The following GLYATL3 variants were observed in gnomAD, a reference collection of about 807,000 sequenced individuals.
GLYATL3 encodes the protein glycine N-acyltransferase-like protein 3.
GLYATL3 carries 31 observed loss-of-function variants against 28.5 expected under a neutral mutation model. The ratio of observed to expected loss-of-function variants is 1.09; its 90% confidence interval spans 0.82 to 1.47. The LOEUF is 1.47. Ranked by LOEUF, GLYATL3 falls within the 40% of genes most tolerant of loss-of-function variation. The pLI is 0.00. For missense variants in GLYATL3, 369 were observed against 351.5 expected, an observed-to-expected ratio of 1.05 and a Z score of -0.40; for synonymous variants, 141 against 140.2, an observed-to-expected ratio of 1.01 and a Z score of -0.04.
chr6:49,512,354 T>A (rs1486331988), intron 2 of GLYATL3, among the ~76,000 whole-genome samples: 2 of 150,524 alleles, frequency 1.3e-5, no homozygotes, highest in African/African-American at 4.9e-5. Context: ...TACATAAGTA[T>A]ACATGTGCCA....
chr6:49,507,797 A>AG (rs920839589), intron 1 of GLYATL3, among the ~76,000 whole-genome samples: 1 of 152,140 alleles, frequency 6.6e-6, no homozygotes. Flanking sequence ...AGCTGAGTCC[A>AG]GGGGGGTCAC....
chr6:49,507,280 C>T (rs1408894818), intron 1 of GLYATL3, among the ~76,000 whole-genome samples: 1 of 152,052 alleles, frequency 6.6e-6, no homozygotes, highest in Non-Finnish European at 1.5e-5. Flanking sequence ...AATAAGAGCC[C>T]AGTCAGTCCA....
At chr6:49,509,944 C>A (rs1769082489) in intron 1 of GLYATL3, among the ~76,000 whole-genome samples, 1 of 55,002 alleles carries the variant, frequency 1.8e-5, no homozygotes, top group Admixed American at 1.6e-4. Context: ...TACGTATTTT[C>A]TTTCTCTTTC....
intron 1 of GLYATL3, among the ~76,000 whole-genome samples, chr6:49,511,114 C>A (rs1022447983): frequency 6.6e-6 from 1 of 152,202 alleles, no homozygotes; most frequent in Non-Finnish European, 1.5e-5. Flanking sequence ...TAGTGCCTGT[C>A]TGCCAGATGT....
At chr6:49,515,863 A>G in intron 3 of GLYATL3, 103 bp downstream of exon 3, 1 of 573,292 alleles carries the variant, frequency 1.7e-6, no homozygotes, top group Non-Finnish European at 3.0e-6. Context: ...TTAGCTTACA[A>G]CACTGTTTCA....
At chr6:49,511,332 G>A (rs972712682) in intron 1 of GLYATL3, among the ~76,000 whole-genome samples, 3 of 151,986 alleles carry the variant, frequency 2.0e-5, no homozygotes, top group African/African-American at 7.3e-5. Flanking sequence ...ATTTTATCAG[G>A]CTAAAATGAG....
Position 49,517,527 on chromosome 6 carries a change from T to G in GLYATL3, c.284T>G (p.Phe95Cys). Residue 95 changes from phenylalanine to cysteine, a missense_variant, in exon 4 of 6, where the codon TTT becomes TGT. Physicochemically the swap from Phe to Cys is radical, Grantham distance 205. Transcript: ENST00000371197. ...YRQLLEECDV[F>C]NWDQVFQIQG... Reference sequence around the variant, plus strand: ...CAGCTATTGGAAGAATGTGATGTTTTTAACTGGGACCAAGTTTTTCAAATA... The same window carrying G: ...CAGCTATTGGAAGAATGTGATGTTTGTAACTGGGACCAAGTTTTTCAAATA... The G allele has an allele frequency of 1.3e-6, 2 of 1,551,318 alleles. No homozygotes were observed. Among genetic ancestry groups the G allele is most frequent in the Non-Finnish European group, 1.7e-6 (2 of 1,146,626 alleles).
In GLYATL3 at chr6:49,515,664, G is replaced by A. The variant is rs556740432; in HGVS notation, c.90G>A (p.Ala30=). 52 of 1,546,270 alleles carry A rather than the reference G, an allele frequency of 3.4e-5. No homozygotes were observed. The highest frequency in any genetic ancestry group is 1.7e-4 in the Middle Eastern group (1 of 5,974). ...CFPESLKVYG[A]VMNINRGNPF... ...GTTATCTGACTCAGGTTTACGGAGCGGTGATGAACATAAATCGTGGGAACC... is the reference window on the plus strand; with the variant it reads ...GTTATCTGACTCAGGTTTACGGAGCAGTGATGAACATAAATCGTGGGAACC... Residue 30 remains alanine (A), a synonymous_variant, in exon 3 of 6, where the codon GCG becomes GCA. Transcript: ENST00000371197.
Position 49,526,963 on chromosome 6 carries a change from C to T in GLYATL3, c.*49C>T, listed in dbSNP as rs2127242253. 1.5e-6 allele frequency: 2 copies of T among 1,335,904 alleles called. No individual in the cohort carries two copies. Among genetic ancestry groups the T allele is most frequent in the African/African-American group, 1.5e-5 (1 of 67,874 alleles). 82.8% of individuals were successfully genotyped at this position (1,335,904 alleles called of 1,614,324 possible). ...TTATTACTTTCCCTGAGCATACACA[C>T]ACTCTTGGCTGCCAACGAGGGGAGA... is the stretch of plus-strand genomic sequence containing the variant. On this transcript the variant is annotated 3_prime_UTR_variant, in exon 6 of 6. Coordinates refer to ENST00000371197, the MANE Select transcript of GLYATL3 (RefSeq NM_001010904.2).
chr6:49,525,188 T>C (rs866432410), intron 5 of GLYATL3, among the ~76,000 whole-genome samples: 3 of 150,302 alleles, frequency 2.0e-5, no homozygotes, highest in African/African-American at 4.9e-5. Flanking sequence ...CAGGACTAAA[T>C]AAAAGCAATT....
At chr6:49,505,436 G>C (rs910088743) in intron 1 of GLYATL3, among the ~76,000 whole-genome samples, 1 of 152,184 alleles carries the variant, frequency 6.6e-6, no homozygotes, top group African/African-American at 2.4e-5. Flanking sequence ...GAAGTGTATG[G>C]AGTAGAAATG....
chr6:49,521,560 T>G (rs893586141), intron 4 of GLYATL3, 85 bp from the exon 5 acceptor site: 1 of 1,144,126 alleles, frequency 8.7e-7, no homozygotes, highest in Admixed American at 2.3e-5. Context: ...TTGATGATTC[T>G]CAGTATAAAA....
intron 1 of GLYATL3, among the ~76,000 whole-genome samples, chr6:49,503,804 G>A (rs1197931370): frequency 2.0e-5 from 3 of 152,190 alleles, no homozygotes; most frequent in Non-Finnish European, 4.4e-5. Context: ...GTGTCCTAAA[G>A]AGTGACCAGA....
intron 1 of GLYATL3, among the ~76,000 whole-genome samples, chr6:49,500,886 G>A (rs993993360): frequency 6.6e-6 from 1 of 152,118 alleles, no homozygotes; most frequent in Non-Finnish European, 1.5e-5. Context: ...GCTCTACCTT[G>A]TGGCATTAAA....
intron 5 of GLYATL3, among the ~76,000 whole-genome samples, 186 bp from the exon 6 acceptor site, chr6:49,526,302 A>G (rs1019582587): frequency 2.0e-5 from 3 of 152,092 alleles, no homozygotes; most frequent in Non-Finnish European, 4.4e-5. Flanking sequence ...AATCCCAGCT[A>G]CTTGGGAGGC....
rs1170693359 is a variant in GLYATL3 at position 49,527,656 on chromosome 6, A to C, written c.*742A>C. Among the ~76,000 whole-genome samples the C allele has an allele frequency of 6.6e-6, 1 of 152,178 alleles. No homozygotes were observed. The highest frequency in any genetic ancestry group is 2.4e-5 in the African/African-American group (1 of 41,448). ...ATGACAATATGGGCATTTTGATGCT[A>C]TAAACAAATGCTGTCACCATAGAAC... On this transcript the variant is annotated 3_prime_UTR_variant, in exon 6 of 6. Transcript: ENST00000371197.
At chr6:49,507,154 G>T (rs1769025182) in intron 1 of GLYATL3, among the ~76,000 whole-genome samples, 1 of 152,170 alleles carries the variant, frequency 6.6e-6, no homozygotes, top group Non-Finnish European at 1.5e-5. Flanking sequence ...CTCATCATCA[G>T]AAGGAGGACT....
In GLYATL3 at chr6:49,509,486, C is replaced by A. The variant is rs547044504; in HGVS notation, c.-28-2477C>A. On this transcript the variant is annotated intron_variant, in intron 1 of 5. Coordinates refer to ENST00000371197, the MANE Select transcript of GLYATL3 (RefSeq NM_001010904.2). ...TTGCACTTAGAAACACCAGTACAAC[C>A]AATAAGTGCTATGCTTTTGGTCCAT... Among the ~76,000 whole-genome samples, 5 of 152,260 alleles carry A rather than the reference C, an allele frequency of 3.3e-5. No homozygotes were observed. In the East Asian group the frequency reaches 9.6e-4, roughly 29 times the overall value.
intron 1 of GLYATL3, among the ~76,000 whole-genome samples, chr6:49,510,652 A>C (rs1284582339): frequency 6.6e-6 from 1 of 152,222 alleles, no homozygotes; most frequent in Non-Finnish European, 1.5e-5. Context: ...GCAGATGAAA[A>C]AGTGAAGAGA....
Sources: allele counts gnomAD v4.1 joint callset (sites outside exome capture counted in the v4.1 genomes callset), GRCh38; gene constraint gnomAD v4.1.1; transcripts MANE v1.5; gene names NCBI Gene and HGNC (gene_info 2026-07-23, HGNC 2026-07-21).